The following BCL2L13 variants were observed in gnomAD, a reference collection of about 807,000 sequenced individuals.
BCL2L13 encodes the protein bcl-2-like protein 13.
In BCL2L13, 13 loss-of-function variants were observed where a neutral mutation model predicts 25.8. That is an observed-to-expected ratio of 0.50 (90% CI 0.33 to 0.80). The LOEUF (loss-of-function observed/expected upper bound fraction) is 0.80. Ranked by LOEUF, BCL2L13 falls within the 30% of genes least tolerant of loss-of-function variation. The pLI is 0.02. For missense variants in BCL2L13, 504 were observed against 574.9 expected, an observed-to-expected ratio of 0.88 and a Z score of 1.26; for synonymous variants, 244 against 230.3, an observed-to-expected ratio of 1.06 and a Z score of -0.54.
chr22:17,722,740 A>T (rs962883566), intron 6 of BCL2L13, among the ~76,000 whole-genome samples: 2 of 152,192 alleles, frequency 1.3e-5, no homozygotes, highest in Non-Finnish European at 2.9e-5. Flanking sequence ...AAAACCTGGT[A>T]GGATTTTATA....
chr22:17,651,499 C>T (rs2895949), intron 1 of BCL2L13, among the ~76,000 whole-genome samples: 77,381 of 150,002 alleles, frequency 0.52, 20,544 homozygotes, highest in East Asian at 0.84. Flanking sequence ...TTCCTGCCTC[C>T]GCCTCCCGAG....
At chr22:17,696,102 C>T (rs2060256334) in intron 4 of BCL2L13, 39 bp from the exon 5 acceptor site, 1 of 1,502,948 alleles carries the variant, frequency 6.7e-7, no homozygotes, top group Non-Finnish European at 9.3e-7. Context: ...ACAGAATTTT[C>T]CTTCTTTGTG....
At chr22:17,667,518 G>A (rs2059269725) in intron 2 of BCL2L13, among the ~76,000 whole-genome samples, 1 of 150,602 alleles carries the variant, frequency 6.6e-6, no homozygotes, top group Admixed American at 6.7e-5. Context: ...TGTTGTTATT[G>A]TTGTTTTTGA....
intron 6 of BCL2L13, among the ~76,000 whole-genome samples, chr22:17,721,678 C>T (rs2061138178): frequency 1.3e-5 from 2 of 152,182 alleles, no homozygotes; most frequent in South Asian, 4.1e-4. Flanking sequence ...GCATGTGCCA[C>T]CACGCCTGGC....
intron 1 of BCL2L13, among the ~76,000 whole-genome samples, chr22:17,630,865 A>G (rs2057999667): frequency 6.6e-6 from 1 of 152,030 alleles, no homozygotes; most frequent in Non-Finnish European, 1.5e-5. Flanking sequence ...TGCTGGGATT[A>G]CAGACGTGAG....
chr22:17,697,153 T>A (rs1242953899), intron 5 of BCL2L13, among the ~76,000 whole-genome samples: 3 of 147,946 alleles, frequency 2.0e-5, no homozygotes, highest in African/African-American at 4.9e-5. Flanking sequence ...AAAAAAAAAA[T>A]TTCGGCCGGG....
At chr22:17,633,551 A>G (rs1166960769) in intron 1 of BCL2L13, among the ~76,000 whole-genome samples, 3 of 152,196 alleles carry the variant, frequency 2.0e-5, no homozygotes, top group Non-Finnish European at 4.4e-5. Context: ...TTAGTCAGAA[A>G]GGGACGGTTC....
rs2060887162 is a variant in BCL2L13, at chr22:17,715,143, TATATATATATATATATATA to T, written c.601-11533_601-11515del. Among the ~76,000 whole-genome samples the T allele has an allele frequency of 5.8e-4, 6 of 10,348 alleles. 1 individual carries two copies. Among genetic ancestry groups the T allele is most frequent in the Admixed American group, 1.5e-3 (1 of 662 alleles). The allele number at this position is 10,348 out of a possible 152,430, so 6.8% of individuals were successfully genotyped here. Reference sequence around the variant, plus strand: ...AATTTTATATATATATATATATATATATATATATATATATATATATATATATATTTTTTTTTTTTTTTTT... The same window carrying T: ...AATTTTATATATATATATATATATATTATATATATTTTTTTTTTTTTTTTT... On this transcript the variant is annotated intron_variant, in intron 6 of 6. Coordinates refer to ENST00000317582, the MANE Select transcript of BCL2L13 (RefSeq NM_015367.4).
At chr22:17,655,106 C>G (rs2058811872) in intron 1 of BCL2L13, among the ~76,000 whole-genome samples, 1 of 151,334 alleles carries the variant, frequency 6.6e-6, no homozygotes, top group Non-Finnish European at 1.5e-5. Context: ...TTCCTAAAAA[C>G]TAAGACACAA....
At chr22:17,721,525 A>ATTTTTTTT (rs3044620) in intron 6 of BCL2L13, among the ~76,000 whole-genome samples, 3 of 122,774 alleles carry the variant, frequency 2.4e-5, no homozygotes, top group African/African-American at 3.2e-5. Context: ...CTTATAAGAA[A>ATTTTTTTT]TTTTTTTTTT....
chr22:17,694,225 T>A (rs1319855839), intron 4 of BCL2L13, among the ~76,000 whole-genome samples: 2 of 150,962 alleles, frequency 1.3e-5, no homozygotes, highest in Non-Finnish European at 2.9e-5. Context: ...TTAAAATTTA[T>A]GCATGAAACC....
At position 17,715,738 on chromosome 22, in the gene BCL2L13, A is replaced by G. The variant is rs940327652; in HGVS notation, c.601-10939A>G. Among the ~76,000 whole-genome samples the G allele has an allele frequency of 2.0e-5, 3 of 152,216 alleles. No individual in the cohort carries two copies. In the South Asian group the frequency reaches 6.2e-4, roughly 32 times the overall value. ...AAGGATTCAGATGGGCAGAATTGGG[A>G]GAGCATTCTGGACTTTCTGGATTGA... On this transcript the variant is annotated intron_variant, in intron 6 of 6. Coordinates refer to ENST00000317582, the MANE Select transcript of BCL2L13 (RefSeq NM_015367.4).
intron 2 of BCL2L13, among the ~76,000 whole-genome samples, chr22:17,682,389 T>C (rs2059782445): frequency 6.6e-6 from 1 of 152,134 alleles, no homozygotes; most frequent in Non-Finnish European, 1.5e-5. Context: ...TTACAAAGCA[T>C]GTATAAAATG....
chr22:17,710,843 C>T (rs2060735408), intron 6 of BCL2L13, among the ~76,000 whole-genome samples: 1 of 151,722 alleles, frequency 6.6e-6, no homozygotes, highest in South Asian at 2.1e-4. Flanking sequence ...AGCCACTGCA[C>T]TCTAGGCTGG....
At chr22:17,715,640 A>C (rs1473442001) in intron 6 of BCL2L13, among the ~76,000 whole-genome samples, 2 of 152,072 alleles carry the variant, frequency 1.3e-5, no homozygotes, top group Non-Finnish European at 1.5e-5. Context: ...GTTATAAGGC[A>C]GATCCACACT....
chr22:17,638,920 G>A lies in BCL2L13; in HGVS notation c.-51+34G>A, dbSNP rs2058163667. 4.1e-6 allele frequency: 5 copies of A among 1,229,724 alleles called. No individual in the cohort carries two copies. In the South Asian group the frequency reaches 2.1e-4, roughly 51 times the overall value. The allele number at this position is 1,229,724 out of a possible 1,614,324, so 76.2% of individuals were successfully genotyped here. A position where few individuals can be genotyped will look rare whatever the true frequency, so the allele number is the denominator to read the frequency against. ...AGTGGGGTTCCGGGAAGGCTGAGCT[G>A]GGTGAGGAGGTGGTTTTCACCTGGG... On this transcript the variant is annotated intron_variant, in intron 1 of 6. Transcript: ENST00000317582.
chr22:17,651,244 C>T (rs566617398), intron 1 of BCL2L13, among the ~76,000 whole-genome samples: 188 of 151,794 alleles, frequency 1.2e-3, no homozygotes, highest in East Asian at 3.1e-3. Context: ...GTGATCTACC[C>T]GCCTTGGCCT....
chr22:17,696,329 CTA>C, intron 5 of BCL2L13, 119 bp downstream of exon 5: 2 of 860,500 alleles, frequency 2.3e-6, no homozygotes, highest in Non-Finnish European at 3.8e-6. Context: ...ATGCACAAAT[CTA>C]TGTTAAGGGG....
Position 17,702,327 on chromosome 22 carries a change from T to C in BCL2L13, c.541T>C (p.Phe181Leu). The C allele has an allele frequency of 6.2e-7, 1 of 1,612,538 alleles. No homozygotes were observed. The highest frequency in any genetic ancestry group is 8.5e-7 in the Non-Finnish European group (1 of 1,179,226). The change falls in exon 6 of 7, where the codon TTT becomes CTT. Residue 181 changes from phenylalanine to leucine, a missense_variant. By Grantham distance (22) the Phe-to-Leu change is conservative (BLOSUM62 0). Coordinates refer to ENST00000317582, the MANE Select transcript of BCL2L13 (RefSeq NM_015367.4). ...GQEPLSALLQFGVTYLEDYSA... is the reference protein window; with the variant it reads ...GQEPLSALLQLGVTYLEDYSA... ...AGAACCTTTGAGCGCACTGCTGCAG[T>C]TTGGCGTGACATACCTGGAGGACTA...
Sources: gnomAD v4.1 joint callset for allele counts (sites outside exome capture counted in the v4.1 genomes callset) on GRCh38, gnomAD v4.1.1 for gene constraint, MANE v1.5 for transcripts, NCBI Gene and HGNC (gene_info 2026-07-23, HGNC 2026-07-21) for gene names.